Variants in GRIK1 observed in about 807,000 individuals in gnomAD.
GRIK1 encodes the protein glutamate receptor ionotropic, kainate 1.
GRIK1 carries 69 observed loss-of-function variants against 105.7 expected under a neutral mutation model. The observed-to-expected ratio is 0.65, with a 90% CI of 0.54 to 0.80. GRIK1 has a LOEUF of 0.80. GRIK1 is among the 30% of genes least tolerant of loss of function. The pLI, the probability that GRIK1 is intolerant of heterozygous loss-of-function variation, is 0.00. For synonymous variants in GRIK1, 438 were observed against 431.3 expected (o/e 1.02, Z -0.19); for missense variants, 1,109 against 1,167.3 (o/e 0.95, Z 0.73).
At chr21:29,766,412 C>A (rs2065670013) in intron 1 of GRIK1, among the ~76,000 whole-genome samples, 1 of 151,984 alleles carries the variant, frequency 6.6e-6, no homozygotes, top group Admixed American at 6.6e-5. Context: ...CACAGGGCAG[C>A]CCCCCACAAT....
At chr21:29,836,046 T>G (rs2067795164) in intron 1 of GRIK1, among the ~76,000 whole-genome samples, 1 of 152,206 alleles carries the variant, frequency 6.6e-6, no homozygotes, top group Non-Finnish European at 1.5e-5. Flanking sequence ...GCTGCACTCT[T>G]CACCAAGCCT....
At chr21:29,912,994 T>G (rs538547275) in intron 1 of GRIK1, among the ~76,000 whole-genome samples, 1 of 152,244 alleles carries the variant, frequency 6.6e-6, no homozygotes, top group East Asian at 1.9e-4. Flanking sequence ...TAATAACATA[T>G]TCATTACATG....
chr21:29,922,608 TCTTTA>T (rs1002254027), intron 1 of GRIK1, among the ~76,000 whole-genome samples: 2 of 152,184 alleles, frequency 1.3e-5, no homozygotes, highest in Non-Finnish European at 2.9e-5. Flanking sequence ...TTTTCATTTT[TCTTTA>T]CTTTCAACTA....
intron 1 of GRIK1, among the ~76,000 whole-genome samples, chr21:29,855,508 T>C (rs530986760): frequency 6.6e-6 from 1 of 152,318 alleles, no homozygotes; most frequent in East Asian, 1.9e-4. Context: ...CCCAGCATCT[T>C]AGACCAAGTA....
At position 29,651,141 on chromosome 21, in the gene GRIK1, C is replaced by T; in HGVS notation, c.931G>A (p.Gly311Ser). ...RLQAPPRPET[G>S]LLDGMMTTEA... ...ACTGTCATCATGCCATCCAAAAGGC[C>T]AGTCTCGGGCCTGGGTGGGGCCTGC... Residue 311 changes from glycine to serine, a missense_variant, in exon 6 of 18, where the codon GGC becomes AGC. This residue lies in a region of GRIK1 where 612 missense variants were observed against 586.0 expected (regional missense o/e 1.04). Coordinates refer to ENST00000327783, the MANE Select transcript of GRIK1 (RefSeq NM_001330994.2). 6.2e-7 allele frequency: 1 copy of T among 1,609,040 alleles called. No individual in the cohort carries two copies. Among genetic ancestry groups the T allele is most frequent in the Non-Finnish European group, 8.5e-7 (1 of 1,178,554 alleles).
At position 29,600,922 on chromosome 21, in the gene GRIK1, G is replaced by T. The variant is rs1434103836; in HGVS notation, c.1099-1985C>A. ...TTTCGTATTTATGCAATTTTCACCA[G>T]CACATAAAGTACATAATGGATTCAT... On this transcript the variant is annotated intron_variant, in intron 7 of 17. Coordinates refer to ENST00000327783, the MANE Select transcript of GRIK1 (RefSeq NM_001330994.2). Among the ~76,000 whole-genome samples, 5 of 152,124 alleles carry T rather than the reference G, an allele frequency of 3.3e-5. No homozygotes were observed. The East Asian group carries it at 9.6e-4, about 29-fold the overall frequency.
intron 7 of GRIK1, among the ~76,000 whole-genome samples, chr21:29,619,530 G>A (rs1301064126): frequency 1.3e-5 from 2 of 152,118 alleles, no homozygotes; most frequent in African/African-American, 2.4e-5. Flanking sequence ...ATTGGGTTCC[G>A]TGTATACTAT....
intron 1 of GRIK1, among the ~76,000 whole-genome samples, chr21:29,910,265 A>G (rs928880945): frequency 2.6e-5 from 4 of 152,184 alleles, no homozygotes; most frequent in Non-Finnish European, 5.9e-5. Flanking sequence ...TAAATTCTTC[A>G]GAATTAAACT....
At chr21:29,854,491 G>A (rs1209754914) in intron 1 of GRIK1, among the ~76,000 whole-genome samples, 3 of 151,962 alleles carry the variant, frequency 2.0e-5, no homozygotes, top group African/African-American at 7.3e-5. Flanking sequence ...TGAAGAAATA[G>A]CCTGCCAAAA....
intron 13 of GRIK1, among the ~76,000 whole-genome samples, chr21:29,580,722 A>G (rs1375926558): frequency 6.6e-6 from 1 of 152,184 alleles, no homozygotes; most frequent in Non-Finnish European, 1.5e-5. Context: ...AATCCTGGAA[A>G]AATTTTCTAT....
intron 1 of GRIK1, among the ~76,000 whole-genome samples, chr21:29,724,350 T>TA (rs1306765219): frequency 2.2e-5 from 1 of 45,108 alleles, no homozygotes; most frequent in Non-Finnish European, 1.6e-4. Context: ...GTGTCTGAGA[T>TA]ACGATTGTTG....
At chr21:29,556,754 A>C (rs1388432486) in intron 15 of GRIK1, among the ~76,000 whole-genome samples, 1 of 152,236 alleles carries the variant, frequency 6.6e-6, no homozygotes, top group African/African-American at 2.4e-5. Context: ...ACCACAAAAT[A>C]GAAGGAACTT....
chr21:29,879,018 TTAAC>T (rs896509653), intron 1 of GRIK1, among the ~76,000 whole-genome samples: 2 of 152,114 alleles, frequency 1.3e-5, no homozygotes, highest in African/African-American at 4.8e-5. Context: ...AGCAGCTCGA[TTAAC>T]TAAGACAGCC....
intron 3 of GRIK1, among the ~76,000 whole-genome samples, chr21:29,685,730 A>C (rs1191904562): frequency 6.6e-6 from 1 of 152,200 alleles, no homozygotes; most frequent in African/African-American, 2.4e-5. Context: ...GCACCTTGGC[A>C]TGCTGACTAC....
Position 29,895,434 on chromosome 21 carries a change from C to G in GRIK1, c.118+43949G>C, listed in dbSNP as rs79501953. 2.0e-4 allele frequency among the ~76,000 whole-genome samples: 31 copies of G among 152,236 alleles called. 3 individuals are homozygous for G. Among genetic ancestry groups the G allele is most frequent in the Admixed American group, 1.8e-3 (28 of 15,286 alleles). On this transcript the variant is annotated intron_variant, in intron 1 of 17. Coordinates refer to ENST00000327783, the MANE Select transcript of GRIK1 (RefSeq NM_001330994.2). ...TGTAATGCCTTTTTGAAAGAAAAAA[C>G]AGGCAAACAACAACTACAAGAATAT...
chr21:29,592,720 G>A (rs117208945), intron 9 of GRIK1, among the ~76,000 whole-genome samples: 5,031 of 152,290 alleles, frequency 0.033, 129 homozygotes, highest in Non-Finnish European at 0.05. Flanking sequence ...GGTGCATGTT[G>A]TTAAGACCTG....
At position 29,556,192 on chromosome 21, in the gene GRIK1, A is replaced by G. The variant is rs56731434; in HGVS notation, c.2357-890T>C. Among the ~76,000 whole-genome samples, 1,269 of 152,314 alleles carry G rather than the reference A, an allele frequency of 8.3e-3. 19 individuals are homozygous for G. The highest frequency in any genetic ancestry group is 0.029 in the African/African-American group (1,211 of 41,584). ...CCGAAGTGGACAAGGATTGTATGTTACATGCATTTTTGTTCAATATGCATG... is the reference window on the plus strand; with the variant it reads ...CCGAAGTGGACAAGGATTGTATGTTGCATGCATTTTTGTTCAATATGCATG... On this transcript the variant is annotated intron_variant, in intron 15 of 17. Coordinates refer to ENST00000327783, the MANE Select transcript of GRIK1 (RefSeq NM_001330994.2).
intron 1 of GRIK1, among the ~76,000 whole-genome samples, chr21:29,695,436 A>ATATCTATCTATC (rs36155253): frequency 3.4e-5 from 5 of 146,632 alleles, no homozygotes; most frequent in Admixed American, 1.4e-4. Context: ...ATCTATATCA[A>ATATCTATCTATC]TATCTATCTA....
Position 29,635,323 on chromosome 21 carries a change from G to A in GRIK1, c.1098+7503C>T, listed in dbSNP as rs576737353. 1.2e-3 allele frequency among the ~76,000 whole-genome samples: 189 copies of A among 152,274 alleles called. 1 individual carries two copies. The highest frequency in any genetic ancestry group is 3.6e-3 in the African/African-American group (151 of 41,560). ...TTCTAGATCTTGTGGGCCCAACTAC[G>A]AAATCAAGCATACATAAAAGAGGTC... On this transcript the variant is annotated intron_variant, in intron 7 of 17. Coordinates refer to ENST00000327783, the MANE Select transcript of GRIK1 (RefSeq NM_001330994.2).
Sources: gnomAD v4.1 joint callset for allele counts (sites outside exome capture counted in the v4.1 genomes callset) on GRCh38, gnomAD v4.1.1 for gene constraint, gnomAD v4.1.1 regional missense constraint, MANE v1.5 for transcripts, NCBI Gene and HGNC (gene_info 2026-07-23, HGNC 2026-07-21) for gene names.